The following TCF3 variants were observed in gnomAD, a reference collection of about 807,000 sequenced individuals.
The protein encoded by TCF3 is transcription factor 3.
TCF3 carries 54 observed loss-of-function variants against 72.3 expected under a neutral mutation model. The observed-to-expected ratio is 0.75, with a 90% confidence interval of 0.60 to 0.94. The LOEUF (loss-of-function observed/expected upper bound fraction) is 0.94, where lower values mean the gene tolerates loss of function less well. TCF3 is among the 40% of genes least tolerant of loss of function. TCF3 has a pLI of 0.00. For missense variants in TCF3, 1,078 were observed against 934.4 expected (o/e 1.15, Z -2.00); for synonymous variants, 525 against 412.6 (o/e 1.27, Z -3.30).
Position 1,619,773 on chromosome 19 carries a change from C to A in TCF3, c.1167+7G>T. On this transcript the variant is annotated splice_region_variant and intron_variant, in intron 14 of 18. Coordinates refer to ENST00000262965, the MANE Select transcript of TCF3 (RefSeq NM_003200.5). ...GAAGGGTGGGGTGGGGCGGGGCAGG[C>A]ACTCACCAGGCCGTGGAGACCCCCG... The A allele has an allele frequency of 6.5e-7, 1 of 1,539,490 alleles. No individual in the cohort carries two copies. The highest frequency in any genetic ancestry group is 1.2e-5 in the South Asian group (1 of 83,752).
intron 9 of TCF3, 42 bp from the exon 10 acceptor site, chr19:1,622,265 C>T (rs369212970): frequency 1.6e-5 from 24 of 1,507,118 alleles, no homozygotes; most frequent in East Asian, 7.2e-5. Context: ...AGTGGGGAAC[C>T]CCAGCCCTGC....
intron 3 of TCF3, among the ~76,000 whole-genome samples, chr19:1,642,211 C>G (rs1308765204): frequency 1.3e-5 from 2 of 151,802 alleles, no homozygotes; most frequent in African/African-American, 4.8e-5. Flanking sequence ...GACACGCACA[C>G]ACGCGCAGAC....
intron 3 of TCF3, among the ~76,000 whole-genome samples, chr19:1,638,969 C>A (rs1714876459): frequency 6.6e-6 from 1 of 152,230 alleles, no homozygotes; most frequent in South Asian, 2.1e-4. Flanking sequence ...GAGATACAAC[C>A]AGGAGCACAA....
At chr19:1,620,119 T>C (rs985151944) in intron 13 of TCF3, among the ~76,000 whole-genome samples, 38 of 152,156 alleles carry the variant, frequency 2.5e-4, no homozygotes, top group African/African-American at 8.7e-4. Context: ...GAGGATAAAG[T>C]GGCTCGGCAG....
Position 1,623,587 on chromosome 19 carries a change from T to C in TCF3, c.549+364A>G, listed in dbSNP as rs144680176. Among the ~76,000 whole-genome samples the C allele has an allele frequency of 3.1e-3, 470 of 152,224 alleles. 3 individuals are homozygous for C. The highest frequency in any genetic ancestry group is 5.6e-3 in the Non-Finnish European group (380 of 67,978). ...TTAGTAGAGATGGGGTTTCACCATG[T>C]TGACTAGGCTGATCTAGAACTCCTG... On this transcript the variant is annotated intron_variant, in intron 8 of 18. Transcript: ENST00000262965.
intron 16 of TCF3, among the ~76,000 whole-genome samples, chr19:1,617,081 G>A (rs749733720): frequency 6.6e-6 from 1 of 152,214 alleles, no homozygotes; most frequent in African/African-American, 2.4e-5. Context: ...AATTAGGGTG[G>A]CTTTGCGCTA....
intron 5 of TCF3, among the ~76,000 whole-genome samples, chr19:1,630,834 C>G (rs943252817): frequency 1.3e-5 from 2 of 152,100 alleles, no homozygotes; most frequent in Non-Finnish European, 2.9e-5. Flanking sequence ...CCTGAGCCCC[C>G]GAACCCTGGG....
In TCF3 at chr19:1,619,479, AG is replaced by A. The variant is rs1568356306; in HGVS notation, c.1168-6del. On this transcript the variant is annotated splice_polypyrimidine_tract_variant and splice_region_variant and intron_variant, in intron 14 of 18. Transcript: ENST00000262965. ...GTGGTCTTCTATCTTACTCTGCTGC[AG>A]GGTGGGGGGATGGGTGGTGAGGGGC... 4 of 1,331,642 alleles carry A rather than the reference AG, an allele frequency of 3.0e-6. No homozygotes were observed. Among genetic ancestry groups the A allele is most frequent in the Non-Finnish European group, 4.2e-6 (4 of 955,964 alleles). 82.5% of individuals were successfully genotyped at this position (1,331,642 alleles called of 1,614,324 possible).
chr19:1,633,462 G>A (rs768019535), intron 3 of TCF3, among the ~76,000 whole-genome samples: 4 of 145,620 alleles, frequency 2.7e-5, no homozygotes, highest in Admixed American at 1.4e-4. Context: ...CCCCCGCCCC[G>A]CCCCCTGCCC....
chr19:1,622,212 G>A lies in TCF3; in HGVS notation c.664C>T (p.His222Tyr), dbSNP rs1311189821. 3.2e-6 allele frequency: 5 copies of A among 1,552,016 alleles called. No individual in the cohort carries two copies. Residue 222 changes from histidine to tyrosine, a missense_variant, in exon 10 of 19, where the codon CAC (histidine) becomes TAC (tyrosine). Coordinates refer to ENST00000262965, the MANE Select transcript of TCF3 (RefSeq NM_003200.5). Reference sequence around the variant, plus strand: ...GGACTCCAGAGCTCGGCTGAGGGGTGCAGGCTGCCATCTGTGGAGGGGAGC... The same window carrying A: ...GGACTCCAGAGCTCGGCTGAGGGGTACAGGCTGCCATCTGTGGAGGGGAGC... ...APFYVADGSLHPSAELWSPPG... is the reference protein window; with the variant it reads ...APFYVADGSLYPSAELWSPPG...
chr19:1,634,998 C>T (rs2064203528), intron 3 of TCF3, among the ~76,000 whole-genome samples: 1 of 152,202 alleles, frequency 6.6e-6, no homozygotes, highest in Non-Finnish European at 1.5e-5. Context: ...GTCCAAGTGC[C>T]TTCAGCTGCC....
At chr19:1,634,584 G>A (rs987128268) in intron 3 of TCF3, among the ~76,000 whole-genome samples, 1 of 152,252 alleles carries the variant, frequency 6.6e-6, no homozygotes, top group Non-Finnish European at 1.5e-5. Flanking sequence ...GAGGCCATCC[G>A]TAGCCAAGGA....
At chr19:1,651,591 G>A (rs1291767483) in intron 1 of TCF3, among the ~76,000 whole-genome samples, 1 of 152,174 alleles carries the variant, frequency 6.6e-6, no homozygotes, top group Admixed American at 6.5e-5. Flanking sequence ...AGGACTTTGA[G>A]AGACTTGGAG....
chr19:1,612,506 G>A, intron 18 of TCF3: 1 of 1,413,896 alleles, frequency 7.1e-7, no homozygotes, highest in Non-Finnish European at 9.8e-7. Context: ...GGGTTGTGGA[G>A]AGGGTATCCA....
rs369484262 is a variant in TCF3, at chr19:1,619,860, G to A, written c.1094-7C>T. 2 of 1,574,718 alleles carry A rather than the reference G, an allele frequency of 1.3e-6. No individual in the cohort carries two copies. The highest frequency in any genetic ancestry group is 1.8e-5 in the Admixed American group (1 of 54,634). On this transcript the variant is annotated splice_polypyrimidine_tract_variant and splice_region_variant and intron_variant, in intron 13 of 18. Coordinates refer to ENST00000262965, the MANE Select transcript of TCF3 (RefSeq NM_003200.5). ...CGAGGCCACTGTGACGTTCCTGGAA[G>A]GGAGTGGGGACGTGAATGGGGTGCG...
chr19:1,651,171 A>T, intron 1 of TCF3: 1 of 231,232 alleles, frequency 4.3e-6, no homozygotes, highest in Non-Finnish European at 8.6e-6. Context: ...ACCCCCAGAA[A>T]AAGGTACAGA....
chr19:1,646,480 A>T lies in TCF3; in HGVS notation c.73-53T>A, dbSNP rs909878656. On this transcript the variant is annotated intron_variant, in intron 2 of 18. Coordinates refer to ENST00000262965, the MANE Select transcript of TCF3 (RefSeq NM_003200.5). ...CGGGGCGGGTGGCAAACCAAACCCTACAGTCCCGGGTTCAAACCCAAGCTG... is the reference window on the plus strand; with the variant it reads ...CGGGGCGGGTGGCAAACCAAACCCTTCAGTCCCGGGTTCAAACCCAAGCTG... 3.3e-6 allele frequency: 5 copies of T among 1,507,338 alleles called. No individual in the cohort carries two copies. In the African/African-American group the frequency reaches 5.5e-5, roughly 17 times the overall value. 93.4% of individuals were successfully genotyped at this position (1,507,338 alleles called of 1,614,324 possible).
Position 1,615,262 on chromosome 19 carries a change from T to C in TCF3, c.1822+23A>G, listed in dbSNP as rs753255024. The C allele has an allele frequency of 1.9e-6, 3 of 1,558,546 alleles. No individual in the cohort carries two copies. The highest frequency in any genetic ancestry group is 2.3e-5 in the East Asian group (1 of 44,110). On this transcript the variant is annotated intron_variant, in intron 18 of 18. Transcript: ENST00000262965. The surrounding 1 kb of genome is among the most constrained non-coding windows in gnomAD (Gnocchi z 7.3). ...AGGGAGGGTGGCGCTGCAGGGACGC[T>C]GGTGGCCCGCGCCCCCACTGACCTC... is the stretch of plus-strand genomic sequence containing the variant.
chr19:1,646,713 C>T (rs4807125), intron 2 of TCF3, among the ~76,000 whole-genome samples: 20,042 of 152,266 alleles, frequency 0.13, 1,435 homozygotes, highest in South Asian at 0.29. Context: ...GCTGAAAACT[C>T]GCTGTTCCCC....
Sources: gnomAD v4.1 joint callset for allele counts (sites outside exome capture counted in the v4.1 genomes callset) on GRCh38, gnomAD v4.1.1 for gene constraint, Gnocchi (gnomAD v3.1) non-coding constraint, MANE v1.5 for transcripts, NCBI Gene and HGNC (gene_info 2026-07-23, HGNC 2026-07-21) for gene names.